Variants in SPIRE1 observed in about 807,000 individuals in gnomAD.
SPIRE1 encodes the protein protein spire homolog 1.
In SPIRE1, 40 loss-of-function variants were observed where a neutral mutation model predicts 94.1. The ratio of observed to expected loss-of-function variants is 0.43; its 90% CI spans 0.33 to 0.55. The LOEUF (loss-of-function observed/expected upper bound fraction) is 0.55. Among genes scored for constraint, SPIRE1 ranks in the 20% least tolerant of loss-of-function variants. The probability of loss-of-function intolerance (pLI) is 0.06; values close to 1 mark genes in which losing one functional copy is unlikely to be tolerated. For missense variants in SPIRE1, 838 were observed against 975.2 expected (o/e 0.86, Z 1.87); for synonymous variants, 376 against 371.7 (o/e 1.01, Z -0.13).
At chr18:12,473,826 C>T (rs2032455391) in intron 10 of SPIRE1, among the ~76,000 whole-genome samples, 1 of 152,084 alleles carries the variant, frequency 6.6e-6, no homozygotes, top group South Asian at 2.1e-4. Flanking sequence ...TAAGTTAACC[C>T]CCAAACACAG....
intron 10 of SPIRE1, 27 bp from the exon 11 acceptor site, chr18:12,464,985 G>C: frequency 6.3e-7 from 1 of 1,598,982 alleles, no homozygotes; most frequent in Non-Finnish European, 8.6e-7. Context: ...TGGAGAAATC[G>C]ACTTCTTAGA....
chr18:12,545,186 C>A (rs1208489870), intron 3 of SPIRE1, among the ~76,000 whole-genome samples: 1 of 152,146 alleles, frequency 6.6e-6, no homozygotes, highest in East Asian at 1.9e-4. Context: ...TAAACCTTAA[C>A]ATCTAGAAAA....
At chr18:12,456,960 CCT>C (rs778146659) in intron 12 of SPIRE1, among the ~76,000 whole-genome samples, 4 of 152,138 alleles carry the variant, frequency 2.6e-5, no homozygotes, top group Non-Finnish European at 4.4e-5. Context: ...GCCTCAGCCC[CCT>C]GAGTAGCTGG....
chr18:12,652,819 G>C (rs1311851254), intron 1 of SPIRE1, among the ~76,000 whole-genome samples: 1 of 152,116 alleles, frequency 6.6e-6, no homozygotes, highest in Non-Finnish European at 1.5e-5. Context: ...ACTGTTAAAA[G>C]TAAACAAGAA....
At chr18:12,570,191 T>C (rs1195051095) in intron 2 of SPIRE1, among the ~76,000 whole-genome samples, 1 of 152,242 alleles carries the variant, frequency 6.6e-6, no homozygotes, top group Non-Finnish European at 1.5e-5. Context: ...TTTGTCTCCT[T>C]TGCTGGCATG....
chr18:12,577,927 T>G (rs1325457808), intron 2 of SPIRE1, among the ~76,000 whole-genome samples: 5 of 152,114 alleles, frequency 3.3e-5, no homozygotes, highest in Non-Finnish European at 2.9e-5. Flanking sequence ...CAAAAGAAGA[T>G]ATACAAATGG....
In SPIRE1 at chr18:12,463,483, T is replaced by G. The variant is rs760301518; in HGVS notation, c.1506A>C (p.Lys502Asn). The change falls in exon 12 of 17, where the codon AAA (lysine) becomes AAC (asparagine). Residue 502 changes from lysine (K) to asparagine (N), a missense_variant. Lys to Asn is a moderately conservative substitution (Grantham distance 94). Coordinates refer to ENST00000409402, the MANE Select transcript of SPIRE1 (RefSeq NM_001128626.2). The part of the protein sequence containing the change: ...EAVSTRKKPP[K>N]FLPISSTPQP... ...GGGGTGTTGATGATATGGGCAGGAATTTTGGAGGCTCTAAAGATTGAACCA... is the reference window on the plus strand; with the variant it reads ...GGGGTGTTGATGATATGGGCAGGAAGTTTGGAGGCTCTAAAGATTGAACCA... The G allele has an allele frequency of 2.5e-6, 4 of 1,612,512 alleles. No individual in the cohort carries two copies. The Admixed American group carries it at 6.7e-5, about 27-fold the overall frequency.
At chr18:12,537,005 T>A (rs1459250801) in intron 3 of SPIRE1, among the ~76,000 whole-genome samples, 1 of 152,226 alleles carries the variant, frequency 6.6e-6, no homozygotes, top group Admixed American at 6.5e-5. Context: ...GCCTTAATAA[T>A]GTGGCTTTCT....
chr18:12,614,462 T>C (rs369117954), intron 2 of SPIRE1, among the ~76,000 whole-genome samples: 44 of 152,282 alleles, frequency 2.9e-4, no homozygotes, highest in African/African-American at 1.0e-3. Context: ...CTTTCCCTGG[T>C]TTTTATTTTA....
intron 2 of SPIRE1, among the ~76,000 whole-genome samples, chr18:12,585,572 G>A (rs1020053530): frequency 2.6e-5 from 4 of 151,990 alleles, no homozygotes; most frequent in Non-Finnish European, 4.4e-5. Flanking sequence ...GCTTCATAAG[G>A]GTCTTGTGAA....
chr18:12,510,208 G>A (rs2033992088), intron 5 of SPIRE1, among the ~76,000 whole-genome samples: 1 of 152,070 alleles, frequency 6.6e-6, no homozygotes, highest in African/African-American at 2.4e-5. Flanking sequence ...AAACTGGGGA[G>A]GAGGGAGGCA....
At chr18:12,482,307 T>TA (rs2032872180) in intron 9 of SPIRE1, among the ~76,000 whole-genome samples, 1 of 152,112 alleles carries the variant, frequency 6.6e-6, no homozygotes, top group South Asian at 2.1e-4. Flanking sequence ...CACGCCCAGC[T>TA]AATTTTTTTG....
chr18:12,528,068 A>G (rs1210546820), intron 4 of SPIRE1, among the ~76,000 whole-genome samples: 1 of 151,966 alleles, frequency 6.6e-6, no homozygotes, highest in Non-Finnish European at 1.5e-5. Flanking sequence ...AAAAAAAAAA[A>G]AAAAGTTAAA....
At chr18:12,461,539 A>T (rs1039226077) in intron 12 of SPIRE1, among the ~76,000 whole-genome samples, 1 of 149,502 alleles carries the variant, frequency 6.7e-6, no homozygotes, top group African/African-American at 2.5e-5. Context: ...ATGTACGTAC[A>T]TATGTATATA....
intron 2 of SPIRE1, among the ~76,000 whole-genome samples, chr18:12,632,994 T>A (rs2037824590): frequency 6.6e-6 from 1 of 152,246 alleles, no homozygotes; most frequent in Non-Finnish European, 1.5e-5. Context: ...CATTTAAGGT[T>A]TATGAAACAT....
chr18:12,501,382 T>G (rs2033658958), intron 6 of SPIRE1, among the ~76,000 whole-genome samples: 1 of 152,068 alleles, frequency 6.6e-6, no homozygotes, highest in Non-Finnish European at 1.5e-5. Context: ...AAAGTCAGAC[T>G]TTTTTTGTTT....
chr18:12,489,585 A>C (rs1216983498), intron 8 of SPIRE1, among the ~76,000 whole-genome samples: 1 of 152,226 alleles, frequency 6.6e-6, no homozygotes, highest in Admixed American at 6.5e-5. Flanking sequence ...GACATGAACA[A>C]AGACTGATGT....
chr18:12,506,673 G>A (rs2143984112), intron 5 of SPIRE1, 32 bp from the exon 6 acceptor site: 3 of 1,602,180 alleles, frequency 1.9e-6, no homozygotes, highest in Admixed American at 3.4e-5. Flanking sequence ...AGACATCAAT[G>A]AATAAATGTA....
Position 12,548,605 on chromosome 18 carries a change from T to C in SPIRE1, c.373-1701A>G, listed in dbSNP as rs2035240920. Reference sequence around the variant, plus strand: ...GGCACTGTAGCCATTCTTTTCTTTCTTTTTTTTTTTTTTCTTCTTCTTTTG... The same window carrying C: ...GGCACTGTAGCCATTCTTTTCTTTCCTTTTTTTTTTTTTCTTCTTCTTTTG... On this transcript the variant is annotated intron_variant, in intron 2 of 16. Transcript: ENST00000409402. 3.6e-5 allele frequency among the ~76,000 whole-genome samples: 3 copies of C among 82,508 alleles called. No homozygotes were observed. The Admixed American group carries it at 4.5e-4, about 12-fold the overall frequency. 54.1% of individuals were successfully genotyped at this position (82,508 alleles called of 152,430 possible).
Sources: gnomAD v4.1 joint callset for allele counts (sites outside exome capture counted in the v4.1 genomes callset) on GRCh38, gnomAD v4.1.1 for gene constraint, MANE v1.5 for transcripts, NCBI Gene and HGNC (gene_info 2026-07-23, HGNC 2026-07-21) for gene names.